The following KIRREL3 variants were observed in gnomAD, a reference collection of about 807,000 sequenced individuals.
KIRREL3 encodes kirre like nephrin family adhesion molecule 3.
KIRREL3 carries 36 observed loss-of-function variants against 89.7 expected under a neutral mutation model. That is an observed-to-expected ratio of 0.40 (90% confidence interval 0.31 to 0.53). The LOEUF (loss-of-function observed/expected upper bound fraction) is 0.53, where lower values mean the gene tolerates loss of function less well. Among genes scored for constraint, KIRREL3 ranks in the 20% least tolerant of loss-of-function variants. KIRREL3 has a pLI of 0.49. For missense variants in KIRREL3, 864 were observed against 1,056.6 expected, an observed-to-expected ratio of 0.82 and a Z score of 2.53; for synonymous variants, 445 against 441.4, an observed-to-expected ratio of 1.01 and a Z score of -0.10.
At chr11:126,916,198 A>G (rs1286240842) in intron 1 of KIRREL3, among the ~76,000 whole-genome samples, 1 of 152,200 alleles carries the variant, frequency 6.6e-6, no homozygotes, top group Non-Finnish European at 1.5e-5. Context: ...ATAACTTAAG[A>G]TCTTATGGCT....
At chr11:126,973,972 AGGGCAAGACTAGG>A (rs1175622368) in intron 1 of KIRREL3, among the ~76,000 whole-genome samples, 1 of 152,092 alleles carries the variant, frequency 6.6e-6, no homozygotes, top group African/African-American at 2.4e-5. Flanking sequence ...TCATGTTCCA[AGGGCAAGACTAGG>A]GCTCATGTTT....
intron 1 of KIRREL3, among the ~76,000 whole-genome samples, chr11:126,818,257 A>T (rs1461123518): frequency 6.6e-6 from 1 of 152,204 alleles, no homozygotes; most frequent in Admixed American, 6.5e-5. Flanking sequence ...AGCTGTTTGC[A>T]ATTGCTTCTG....
Position 126,489,181 on chromosome 11 carries a change from G to A in KIRREL3, c.434-15715C>T, listed in dbSNP as rs919184874. The stretch of plus-strand genomic sequence containing the variant: ...GACGGAAGCTGTAGATGGATGCGCT[G>A]CGTTTGCGGTGGAGAGCCGGCTGCA... On this transcript the variant is annotated intron_variant, in intron 4 of 16. Transcript: ENST00000525144. This position sits in a 1 kb window ranked among gnomAD's most constrained non-coding sequence, Gnocchi z 5.5. 6.6e-6 allele frequency among the ~76,000 whole-genome samples: 1 copy of A among 152,194 alleles called. No individual in the cohort carries two copies. The highest frequency in any genetic ancestry group is 1.5e-5 in the Non-Finnish European group (1 of 68,038).
At chr11:126,692,741 A>G (rs1044773025) in intron 1 of KIRREL3, among the ~76,000 whole-genome samples, 2 of 152,206 alleles carry the variant, frequency 1.3e-5, no homozygotes, top group Admixed American at 6.5e-5. Context: ...GCCAGTCACA[A>G]AAGGACAAAT....
chr11:126,840,935 G>T (rs112606601), intron 1 of KIRREL3, among the ~76,000 whole-genome samples: 2,047 of 152,332 alleles, frequency 0.013, 48 homozygotes, highest in African/African-American at 0.047. Context: ...GTTCTCAAAT[G>T]AGGAAGGAAA....
intron 7 of KIRREL3, among the ~76,000 whole-genome samples, chr11:126,450,807 G>A (rs956291243): frequency 2.0e-5 from 3 of 151,322 alleles, no homozygotes; most frequent in African/African-American, 7.3e-5. Flanking sequence ...GTGTCTGCAT[G>A]TGAAAGTGTG....
intron 1 of KIRREL3, among the ~76,000 whole-genome samples, chr11:126,789,086 C>T (rs763912855): frequency 1.3e-5 from 2 of 152,172 alleles, no homozygotes; most frequent in Non-Finnish European, 2.9e-5. Context: ...TGTCTGTCTT[C>T]CCCATATGAC....
intron 1 of KIRREL3, among the ~76,000 whole-genome samples, chr11:126,721,023 G>A (rs549950168): frequency 5.3e-5 from 8 of 152,238 alleles, no homozygotes; most frequent in African/African-American, 9.6e-5. Context: ...GGCACCAGCC[G>A]AGCTGGCAAG....
At chr11:126,751,138 G>A (rs1293684060) in intron 1 of KIRREL3, among the ~76,000 whole-genome samples, 3 of 152,190 alleles carry the variant, frequency 2.0e-5, no homozygotes, top group Non-Finnish European at 4.4e-5. Context: ...CACACTGTCG[G>A]AATGCATCCT....
chr11:126,852,281 C>T (rs900738565), intron 1 of KIRREL3, among the ~76,000 whole-genome samples: 11 of 152,022 alleles, frequency 7.2e-5, no homozygotes, highest in East Asian at 1.9e-4. Flanking sequence ...CTCGATCTTT[C>T]GACCTCATGA....
rs1010843252 is a variant in KIRREL3, at chr11:126,686,168, T to C, written c.56-123256A>G. Among the ~76,000 whole-genome samples the C allele has an allele frequency of 4.6e-5, 7 of 152,186 alleles. No homozygotes were observed. Among genetic ancestry groups the C allele is most frequent in the Non-Finnish European group, 4.4e-5 (3 of 68,036 alleles). On this transcript the variant is annotated intron_variant, in intron 1 of 16. Transcript: ENST00000525144. The surrounding 1 kb of genome is among the most constrained non-coding windows in gnomAD (Gnocchi z 4.7). ...GCAGGGTCTCTGCGTTCTGCCTTTG[T>C]GTTGAGCTTCTCCTCCACAGCCCAC...
intron 1 of KIRREL3, among the ~76,000 whole-genome samples, chr11:126,667,812 G>A (rs577539325): frequency 7.2e-5 from 11 of 152,298 alleles, no homozygotes; most frequent in African/African-American, 2.6e-4. Flanking sequence ...TTCACTTTGG[G>A]CAGGAGTGGG....
chr11:126,745,645 G>T (rs553080747), intron 1 of KIRREL3, among the ~76,000 whole-genome samples: 2 of 152,172 alleles, frequency 1.3e-5, no homozygotes, highest in Non-Finnish European at 2.9e-5. Context: ...GGGGAGATAA[G>T]AAAAAAGGTA....
rs373938588 is a variant in KIRREL3 at position 126,535,184 on chromosome 11, G to T, written c.134-8497C>A. On this transcript the variant is annotated intron_variant, in intron 2 of 16. Transcript: ENST00000525144. This position sits in a 1 kb window ranked among gnomAD's most constrained non-coding sequence, Gnocchi z 4.5. ...AGTTGTTTCCCCACCCTCCTCCATC[G>T]GGACTCCTCCTGACTGCTCTTCCCA... 4.6e-5 allele frequency among the ~76,000 whole-genome samples: 7 copies of T among 152,050 alleles called. No individual in the cohort carries two copies. Among genetic ancestry groups the T allele is most frequent in the African/African-American group, 1.7e-4 (7 of 41,372 alleles).
rs1204403553 is a variant in KIRREL3, at chr11:126,484,740, T to A, written c.434-11274A>T. On this transcript the variant is annotated intron_variant, in intron 4 of 16. Transcript: ENST00000525144. The surrounding 1 kb of genome is among the most constrained non-coding windows in gnomAD (Gnocchi z 5.2). ...GTGATTTAATTAATGTAGGTGTGCT[T>A]TCCCCCTCTTCAGACCCTCCCCGCC... Among the ~76,000 whole-genome samples, 3 of 152,184 alleles carry A rather than the reference T, an allele frequency of 2.0e-5. No homozygotes were observed. The highest frequency in any genetic ancestry group is 4.4e-5 in the Non-Finnish European group (3 of 68,022).
intron 1 of KIRREL3, among the ~76,000 whole-genome samples, chr11:126,718,039 C>T (rs1229792331): frequency 6.6e-6 from 1 of 152,168 alleles, no homozygotes; most frequent in Non-Finnish European, 1.5e-5. Flanking sequence ...TATCCCTTGC[C>T]TCATGACAAG....
At chr11:126,446,298 CT>C (rs1427340656) in intron 9 of KIRREL3, among the ~76,000 whole-genome samples, 33 of 147,786 alleles carry the variant, frequency 2.2e-4, no homozygotes, top group African/African-American at 8.0e-4. Flanking sequence ...TTCTTTCTTT[CT>C]TTCTCTCTCT....
Position 126,754,441 on chromosome 11 carries a change from T to A in KIRREL3, c.56-191529A>T, listed in dbSNP as rs911012422. On this transcript the variant is annotated intron_variant, in intron 1 of 16. Coordinates refer to ENST00000525144, the MANE Select transcript of KIRREL3 (RefSeq NM_032531.4). The surrounding 1 kb of genome is among the most constrained non-coding windows in gnomAD (Gnocchi z 5.1). ...CCGTGTAACTAGGCTGGATGCCTGGTTGAAGGGCTTTCTTTTGATAATGCT... is the reference window on the plus strand; with the variant it reads ...CCGTGTAACTAGGCTGGATGCCTGGATGAAGGGCTTTCTTTTGATAATGCT... Among the ~76,000 whole-genome samples, 6 of 152,332 alleles carry A rather than the reference T, an allele frequency of 3.9e-5. No individual in the cohort carries two copies. Among genetic ancestry groups the A allele is most frequent in the African/African-American group, 1.4e-4 (6 of 41,576 alleles).
chr11:126,848,525 T>C (rs1944228704), intron 1 of KIRREL3, among the ~76,000 whole-genome samples: 1 of 152,208 alleles, frequency 6.6e-6, no homozygotes, highest in Admixed American at 6.5e-5. Context: ...GTCTGAGTAA[T>C]GTAAAAATCT....
Sources: allele counts gnomAD v4.1 joint callset (sites outside exome capture counted in the v4.1 genomes callset), GRCh38; gene constraint gnomAD v4.1.1; non-coding constraint Gnocchi (gnomAD v3.1); transcripts MANE v1.5; gene names NCBI Gene and HGNC (gene_info 2026-07-23, HGNC 2026-07-21).